The following FGF4 variants were observed in gnomAD, a reference collection of about 807,000 sequenced individuals.
The protein encoded by FGF4 is heparin secretory transforming protein 1.
FGF4 carries 9 observed loss-of-function variants against 15.7 expected under a neutral mutation model. The ratio of observed to expected loss-of-function variants is 0.57; its 90% confidence interval spans 0.35 to 1.00. The LOEUF (loss-of-function observed/expected upper bound fraction) is 1.00. Among genes scored for constraint, FGF4 ranks in the 50% least tolerant of loss-of-function variants. The pLI is 0.02. For synonymous variants in FGF4, 164 were observed against 144.8 expected (o/e 1.13, Z -0.95); for missense variants, 286 against 297.3 (o/e 0.96, Z 0.28).
At chr11:69,773,560 A>AAGGGGGTTCTG in intron 2 of FGF4, 75 bp from the exon 3 acceptor site, 3 of 1,430,818 alleles carry the variant, frequency 2.1e-6, no homozygotes, top group South Asian at 1.2e-5. Flanking sequence ...CAGGGGTCAG[A>AAGGGGGTTCTG]ACCCCCTTCT....
At chr11:69,774,182 C>T in intron 1 of FGF4, 55 bp from the exon 2 acceptor site, 1 of 1,435,176 alleles carries the variant, frequency 7.0e-7, no homozygotes, top group Non-Finnish European at 9.7e-7. Context: ...CCACTCCGCC[C>T]CTCGGCTTGT....
At chr11:69,774,639 C>T (rs1328080342) in intron 1 of FGF4, 106 bp downstream of exon 1, 17 of 889,238 alleles carry the variant, frequency 1.9e-5, no homozygotes, top group Non-Finnish European at 2.5e-5. Context: ...GTTCCCGGGG[C>T]CCCCGAGCAG....
chr11:69,772,671 A>G lies in FGF4; in HGVS notation c.*638T>C, dbSNP rs1855585585. On this transcript the variant is annotated 3_prime_UTR_variant, in exon 3 of 3. Coordinates refer to ENST00000168712, the MANE Select transcript of FGF4 (RefSeq NM_002007.4). ...CCAAAAAAGGCAAACAGGAGTTTATAAAGTTGTCCAAGGGTCTCTCCCATC... is the reference window on the plus strand; with the variant it reads ...CCAAAAAAGGCAAACAGGAGTTTATGAAGTTGTCCAAGGGTCTCTCCCATC... The G allele has an allele frequency of 6.6e-6, 1 of 152,410 alleles. No homozygotes were observed. The highest frequency in any genetic ancestry group is 2.4e-5 in the African/African-American group (1 of 41,472). 9.4% of individuals were successfully genotyped at this position (152,410 alleles called of 1,614,324 possible). A position where few individuals can be genotyped will look rare whatever the true frequency, so the allele number is the denominator to read the frequency against.
At chr11:69,773,983 G>C (rs761401393) in intron 2 of FGF4, 41 bp downstream of exon 2, 2 of 1,523,750 alleles carry the variant, frequency 1.3e-6, no homozygotes, top group Non-Finnish European at 1.8e-6. Flanking sequence ...CATGTCCGCT[G>C]TTCCCAACTA....
rs1383383982 is a variant in FGF4 at position 69,774,861 on chromosome 11, T to A, written c.224A>T (p.Asp75Val). 1 of 1,509,602 alleles carries A rather than the reference T, an allele frequency of 6.6e-7. No individual in the cohort carries two copies. Among genetic ancestry groups the A allele is most frequent in the Non-Finnish European group, 8.8e-7 (1 of 1,137,108 alleles). 93.5% of individuals were successfully genotyped at this position (1,509,602 alleles called of 1,614,324 possible). ...KEAAVQSGAG[D>V]YLLGIKRLRR... ...CAGCCGCTTGATGCCCAGCAGGTAG[T>A]CGCCGGCGCCGCTCTGGACGGCCGC... The change falls in exon 1 of 3, where the codon GAC becomes GTC. Residue 75 changes from aspartate to valine, a missense_variant. By Grantham distance (152) the Asp-to-Val change is radical (BLOSUM62 -3). Transcript: ENST00000168712.
At position 69,773,293 on chromosome 11, in the gene FGF4, AG is replaced by A; in HGVS notation, c.*15del. On this transcript the variant is annotated 3_prime_UTR_variant, in exon 3 of 3. Transcript: ENST00000168712. ...CCAGGGGCTTCCCGAGGCTGAGGCAAGGGTCCTCTGGAGGGTCACAGCCTGG... is the reference window on the plus strand; with the variant it reads ...CCAGGGGCTTCCCGAGGCTGAGGCAAGGTCCTCTGGAGGGTCACAGCCTGG... 1 of 1,613,192 alleles carries A rather than the reference AG, an allele frequency of 6.2e-7. No homozygotes were observed.
rs775766050 is a variant in FGF4, at chr11:69,775,064, G to C, written c.21C>G (p.Ala7=). 4.5e-6 allele frequency: 6 copies of C among 1,342,522 alleles called. No homozygotes were observed. The highest frequency in any genetic ancestry group is 5.7e-6 in the Non-Finnish European group (6 of 1,057,110). 83.2% of individuals were successfully genotyped at this position (1,342,522 alleles called of 1,614,324 possible). ...GGACCGCCGGGAGCAGCGCTACCGC[G>C]GCCGTCCCGGGCCCCGACATCCCGG... MSGPGT[A]AVALLPAVLL... is the part of the protein sequence containing the mutation. Residue 7 remains alanine, a synonymous_variant, in exon 1 of 3, where the codon GCC becomes GCG. Transcript: ENST00000168712.
rs974030777 is a variant in FGF4, at chr11:69,772,066, A to C, written c.*1243T>G. On this transcript the variant is annotated 3_prime_UTR_variant, in exon 3 of 3. Transcript: ENST00000168712. ...GCTGTCTGCAAATATTTTCACCATG[A>C]TCACCCTTACTAAAAGTAAATCACA... is the stretch of plus-strand genomic sequence containing the variant. 1 of 152,230 alleles carries C rather than the reference A, an allele frequency of 6.6e-6. No homozygotes were observed. Among genetic ancestry groups the C allele is most frequent in the African/African-American group, 2.4e-5 (1 of 41,466 alleles). 9.4% of individuals were successfully genotyped at this position (152,230 alleles called of 1,614,324 possible).
At position 69,775,011 on chromosome 11, in the gene FGF4, C is replaced by A; in HGVS notation, c.74G>T (p.Gly25Val). The change falls in exon 1 of 3, where the codon GGC (glycine) becomes GTC (valine). Residue 25 changes from glycine (G) to valine (V), a missense_variant. Gly to Val is a moderately radical substitution (Grantham distance 109). Transcript: ENST00000168712. ...VLLALLAPWAGRGGAAAPTAP... is the reference protein window; with the variant it reads ...VLLALLAPWAVRGGAAAPTAP... ...AGTGGGTGCGGCGGCGCCCCCTCGG[C>A]CCGCCCAGGGCGCCAGCAAGGCCAG... The A allele has an allele frequency of 6.9e-7, 1 of 1,444,182 alleles. No homozygotes were observed. 89.5% of individuals were successfully genotyped at this position (1,444,182 alleles called of 1,614,324 possible).
At position 69,773,272 on chromosome 11, in the gene FGF4, G is replaced by A. The variant is rs201371079; in HGVS notation, c.*37C>T. ...GTGACCCTCGGCACTGCCCTCCCAG[G>A]GGCTTCCCGAGGCTGAGGCAAGGGT... On this transcript the variant is annotated 3_prime_UTR_variant, in exon 3 of 3. Transcript: ENST00000168712. 6 of 1,606,532 alleles carry A rather than the reference G, an allele frequency of 3.7e-6. No homozygotes were observed. The East Asian group carries it at 1.3e-4, about 36-fold the overall frequency.
chr11:69,774,641 C>T, intron 1 of FGF4, 104 bp downstream of exon 1: 1 of 942,644 alleles, frequency 1.1e-6, no homozygotes, highest in African/African-American at 1.7e-5. Flanking sequence ...TCCCGGGGCC[C>T]CCGAGCAGGT....
At chr11:69,773,802 C>T (rs1168504406) in intron 2 of FGF4, among the ~76,000 whole-genome samples, 1 of 152,184 alleles carries the variant, frequency 6.6e-6, no homozygotes, top group Non-Finnish European at 1.5e-5. Context: ...CAATAGCGCC[C>T]TTTCCTCGGT....
intron 2 of FGF4, 54 bp downstream of exon 2, chr11:69,773,970 A>G (rs1367324107): frequency 7.0e-7 from 1 of 1,436,128 alleles, no homozygotes; most frequent in East Asian, 2.3e-5. Flanking sequence ...CGAGCCTGCT[A>G]GCCATGTCCG....
At chr11:69,773,973 C>G (rs768391400) in intron 2 of FGF4, 51 bp downstream of exon 2, 1 of 1,456,756 alleles carries the variant, frequency 6.9e-7, no homozygotes, top group Non-Finnish European at 9.5e-7. Flanking sequence ...GCCTGCTAGC[C>G]ATGTCCGCTG....
In FGF4 at chr11:69,774,773, G is replaced by T. The variant is rs777217173; in HGVS notation, c.312C>A (p.Ile104=). The T allele has an allele frequency of 6.6e-7, 1 of 1,511,194 alleles. No individual in the cohort carries two copies. The highest frequency in any genetic ancestry group is 2.8e-5 in the East Asian group (1 of 35,836). The allele number at this position is 1,511,194 out of a possible 1,614,324, so 93.6% of individuals were successfully genotyped here. A position where few individuals can be genotyped will look rare whatever the true frequency, so the allele number is the denominator to read the frequency against. The change falls in exon 1 of 3, where the codon ATC becomes ATA. Residue 104 remains isoleucine, a synonymous_variant. Coordinates refer to ENST00000168712, the MANE Select transcript of FGF4 (RefSeq NM_002007.4). Reference sequence around the variant, plus strand: ...CGCGGGTGTCCGCGTGCGCGCCGCCGATGCGGCCGTCGGGGAGCGCCTGGA... The same window carrying T: ...CGCGGGTGTCCGCGTGCGCGCCGCCTATGCGGCCGTCGGGGAGCGCCTGGA... ...FHLQALPDGR[I]GGAHADTRDS...
In FGF4 at chr11:69,774,791, C is replaced by T. The variant is rs199745821; in HGVS notation, c.294G>A (p.Ala98=). ...CGCCGCCGATGCGGCCGTCGGGGAG[C>T]GCCTGGAGGTGGAAGCCGATGCCCA... ...CNVGIGFHLQ[A]LPDGRIGGAH... The change falls in exon 1 of 3, where the codon GCG becomes GCA. Residue 98 remains alanine (A), a synonymous_variant. Transcript: ENST00000168712. 6.6e-7 allele frequency: 1 copy of T among 1,521,852 alleles called. No individual in the cohort carries two copies. The allele number at this position is 1,521,852 out of a possible 1,614,324, so 94.3% of individuals were successfully genotyped here.
At position 69,772,207 on chromosome 11, in the gene FGF4, G is replaced by C. The variant is rs1190929381; in HGVS notation, c.*1102C>G. The C allele has an allele frequency of 6.6e-6, 1 of 152,192 alleles. No homozygotes were observed. Among genetic ancestry groups the C allele is most frequent in the African/African-American group, 2.4e-5 (1 of 41,438 alleles). The allele number at this position is 152,192 out of a possible 1,614,324, so 9.4% of individuals were successfully genotyped here. A position where few individuals can be genotyped will look rare whatever the true frequency, so the allele number is the denominator to read the frequency against. ...CTTGGGATGGCAAACTCCTGCACCG[G>C]GTATGAGCTTTCTGTGGGTTTTGCC... On this transcript the variant is annotated 3_prime_UTR_variant, in exon 3 of 3. Transcript: ENST00000168712.
chr11:69,774,056 C>A lies in FGF4; in HGVS notation c.412G>T (p.Ala138Ser). Residue 138 changes from alanine (A) to serine (S), a missense_variant, in exon 2 of 3, where the codon GCC (alanine) becomes TCC (serine). By Grantham distance (99) the Ala-to-Ser change is moderately conservative. Coordinates refer to ENST00000168712, the MANE Select transcript of FGF4 (RefSeq NM_002007.4). Reference protein sequence around the residue: ...IFGVASRFFVAMSSKGKLYGS... With the variant: ...IFGVASRFFVSMSSKGKLYGS... ...TAGAGCTTGCCCTTGCTGCTCATGG[C>A]CACGAAGAACCGGCTGGCCACGCCG... 6.2e-7 allele frequency: 1 copy of A among 1,613,180 alleles called. No homozygotes were observed. Among genetic ancestry groups the A allele is most frequent in the South Asian group, 1.1e-5 (1 of 91,052 alleles).
intron 1 of FGF4, among the ~76,000 whole-genome samples, chr11:69,774,383 G>A (rs1855613297): frequency 6.6e-6 from 1 of 151,924 alleles, no homozygotes; most frequent in Non-Finnish European, 1.5e-5. Context: ...CGGACCTTCA[G>A]ACGCGAGCCC....
Sources: gnomAD v4.1 joint callset for allele counts (sites outside exome capture counted in the v4.1 genomes callset) on GRCh38, gnomAD v4.1.1 for gene constraint, MANE v1.5 for transcripts, NCBI Gene and HGNC (gene_info 2026-07-23, HGNC 2026-07-21) for gene names.